The following TMEM51 variants were observed in gnomAD, a reference collection of about 807,000 sequenced individuals.
The protein encoded by TMEM51 is transmembrane protein 51.
Under a neutral mutation model 13.6 loss-of-function variants are expected in TMEM51, and 8 were observed. The observed-to-expected ratio is 0.59, with a 90% CI of 0.35 to 1.07. The LOEUF (loss-of-function observed/expected upper bound fraction) is 1.07. Among genes scored for constraint, TMEM51 ranks in the 50% least tolerant of loss-of-function variants. The pLI, the probability that TMEM51 is intolerant of heterozygous loss-of-function variation, is 0.02. For missense variants in TMEM51, 279 were observed against 330.7 expected (o/e 0.84, Z 1.21); for synonymous variants, 147 against 144.4 (o/e 1.02, Z -0.13).
At chr1:15,216,575 A>AG (rs1411734400) in intron 3 of TMEM51, among the ~76,000 whole-genome samples, 1 of 152,212 alleles carries the variant, frequency 6.6e-6, no homozygotes, top group Non-Finnish European at 1.5e-5. Context: ...TTTCACCATA[A>AG]GGGGCAGTAC....
chr1:15,206,296 T>G (rs1644248864), intron 1 of TMEM51, among the ~76,000 whole-genome samples: 1 of 150,050 alleles, frequency 6.7e-6, no homozygotes, highest in Admixed American at 6.6e-5. Flanking sequence ...AGGGAACATT[T>G]ACCTGTCACC....
intron 1 of TMEM51, among the ~76,000 whole-genome samples, chr1:15,170,504 T>C (rs1349074004): frequency 6.6e-6 from 1 of 151,440 alleles, no homozygotes; most frequent in Non-Finnish European, 1.5e-5. Flanking sequence ...GAAACGGGGT[T>C]TTGCCATGTT....
intron 1 of TMEM51, among the ~76,000 whole-genome samples, chr1:15,165,362 A>G (rs1053110449): frequency 2.0e-5 from 3 of 152,188 alleles, no homozygotes; most frequent in Non-Finnish European, 4.4e-5. Flanking sequence ...AAAAAGAATC[A>G]GTATTCAGCC....
chr1:15,161,169 G>A lies in TMEM51; in HGVS notation c.-267+7215G>A, dbSNP rs1272176723. 2.6e-5 allele frequency among the ~76,000 whole-genome samples: 4 copies of A among 152,070 alleles called. No homozygotes were observed. The highest frequency in any genetic ancestry group is 5.9e-5 in the Non-Finnish European group (4 of 68,038). ...AAACGCTGCACTCAGGGCAGATGCT[G>A]AAGGCAGAGGTGGAAAAAGTATTTT... On this transcript the variant is annotated intron_variant, in intron 1 of 3. Transcript: ENST00000376008. This position sits in a 1 kb window ranked among gnomAD's most constrained non-coding sequence, Gnocchi z 4.0.
intron 1 of TMEM51, among the ~76,000 whole-genome samples, chr1:15,193,199 T>C (rs1307472812): frequency 2.6e-5 from 4 of 152,206 alleles, no homozygotes; most frequent in African/African-American, 9.6e-5. Context: ...TTAGAGCCAT[T>C]CCAGGTGACC....
chr1:15,160,375 G>A (rs1317160102), intron 1 of TMEM51, among the ~76,000 whole-genome samples: 1 of 152,142 alleles, frequency 6.6e-6, no homozygotes, highest in East Asian at 1.9e-4. Context: ...CTGGATTCAA[G>A]CAATTCTCTT....
In TMEM51 at chr1:15,215,117, G is replaced by A. The variant is rs547792525; in HGVS notation, c.30G>A (p.Ser10=). 14 of 1,613,616 alleles carry A rather than the reference G, an allele frequency of 8.7e-6. No individual in the cohort carries two copies. The highest frequency in any genetic ancestry group is 5.0e-5 in the Admixed American group (3 of 60,022). The stretch of plus-strand genomic sequence containing the variant: ...TGGCCCAGTCCAAGGCCAATGGCTC[G>A]CACTATGCGCTGACCGCCATCGGCC... MMAQSKANG[S]HYALTAIGLG... The change falls in exon 3 of 4, where the codon TCG becomes TCA. Residue 10 remains serine, a synonymous_variant. Coordinates refer to ENST00000376008, the MANE Select transcript of TMEM51 (RefSeq NM_001136218.2).
chr1:15,191,765 C>G, intron 1 of TMEM51: 1 of 297,298 alleles, frequency 3.4e-6, no homozygotes. Context: ...TTGAAGTTTG[C>G]AAATCTTTTT....
chr1:15,193,026 C>T (rs1388291670), intron 1 of TMEM51, among the ~76,000 whole-genome samples: 2 of 152,182 alleles, frequency 1.3e-5, no homozygotes, highest in African/African-American at 2.4e-5. Flanking sequence ...GGCTGCCACC[C>T]GCCAGTTCCC....
At chr1:15,156,373 C>T (rs1642593480) in intron 1 of TMEM51, among the ~76,000 whole-genome samples, 1 of 152,204 alleles carries the variant, frequency 6.6e-6, no homozygotes, top group Non-Finnish European at 1.5e-5. Context: ...GGCTGTAAAC[C>T]CCTCAGGCTT....
intron 1 of TMEM51, among the ~76,000 whole-genome samples, chr1:15,201,396 T>C (rs1179230259): frequency 6.6e-6 from 1 of 151,004 alleles, no homozygotes; most frequent in Non-Finnish European, 1.5e-5. Context: ...ATAATGAGTA[T>C]TAAAATTGTA....
intron 1 of TMEM51, among the ~76,000 whole-genome samples, chr1:15,163,452 C>T (rs1424824597): frequency 2.6e-5 from 4 of 151,926 alleles, no homozygotes; most frequent in Non-Finnish European, 4.4e-5. Flanking sequence ...CTACTTTCCA[C>T]CCCCACCTAC....
intron 1 of TMEM51, among the ~76,000 whole-genome samples, chr1:15,160,820 C>T (rs1381740572): frequency 1.3e-5 from 2 of 151,964 alleles, no homozygotes; most frequent in African/African-American, 2.4e-5. Context: ...TATGGTATGC[C>T]AGGCGCTGAG....
chr1:15,153,259 AGGCGGGGC>A (rs1277064075), upstream of TMEM51, among the ~76,000 whole-genome samples: 4 of 152,104 alleles, frequency 2.6e-5, no homozygotes, highest in East Asian at 7.8e-4. Context: ...CGCCAGGTAA[AGGCGGGGC>A]GGCTGGCGGA....
intron 1 of TMEM51, among the ~76,000 whole-genome samples, chr1:15,155,185 G>A (rs1273911444): frequency 2.0e-5 from 3 of 152,224 alleles, no homozygotes; most frequent in Admixed American, 6.5e-5. Flanking sequence ...GAAAGAGAGA[G>A]GAGGCTAGTG....
intron 1 of TMEM51, among the ~76,000 whole-genome samples, chr1:15,172,852 A>T (rs1643332131): frequency 6.6e-6 from 1 of 152,186 alleles, no homozygotes; most frequent in African/African-American, 2.4e-5. Flanking sequence ...TGTCCAGCAG[A>T]TGGGTGCTGT....
intron 2 of TMEM51, among the ~76,000 whole-genome samples, chr1:15,210,798 T>C (rs1361523210): frequency 6.6e-6 from 1 of 152,170 alleles, no homozygotes; most frequent in Non-Finnish European, 1.5e-5. Context: ...CTTCTTTCCA[T>C]ATTTTTAAAA....
At chr1:15,169,978 CTT>C (rs1643182502) in intron 1 of TMEM51, among the ~76,000 whole-genome samples, 1 of 152,122 alleles carries the variant, frequency 6.6e-6, no homozygotes, top group Non-Finnish European at 1.5e-5. Flanking sequence ...ACATGTATGA[CTT>C]TGTATTAAAG....
rs187547394 is a variant in TMEM51 at position 15,184,223 on chromosome 1, C to T, written c.-266-26267C>T. Reference sequence around the variant, plus strand: ...TGTATTTTTAGTAGAGACGGGGTTTCACCATGTTGGCCAGGATGATCTTGA... The same window carrying T: ...TGTATTTTTAGTAGAGACGGGGTTTTACCATGTTGGCCAGGATGATCTTGA... On this transcript the variant is annotated intron_variant, in intron 1 of 3. Coordinates refer to ENST00000376008, the MANE Select transcript of TMEM51 (RefSeq NM_001136218.2). Among the ~76,000 whole-genome samples the T allele has an allele frequency of 4.4e-4, 67 of 152,328 alleles. 1 individual carries two copies. In the East Asian group the frequency reaches 0.01, roughly 23 times the overall value.
Sources: gnomAD v4.1 joint callset for allele counts (sites outside exome capture counted in the v4.1 genomes callset) on GRCh38, gnomAD v4.1.1 for gene constraint, Gnocchi (gnomAD v3.1) non-coding constraint, MANE v1.5 for transcripts, NCBI Gene and HGNC (gene_info 2026-07-23, HGNC 2026-07-21) for gene names.